CTIF: variants seen among roughly 807,000 people sequenced by gnomAD.
CTIF encodes the protein cap binding complex dependent translation initiation factor.
A neutral mutation model predicts 66.0 loss-of-function variants in CTIF; 21 were observed. The ratio of observed to expected loss-of-function variants is 0.32; its 90% CI spans 0.23 to 0.46. CTIF has a LOEUF of 0.46. Ranked by LOEUF, CTIF falls within the 20% of genes least tolerant of loss-of-function variation. The pLI is 1.00. For missense variants in CTIF, 739 were observed against 812.7 expected, an observed-to-expected ratio of 0.91 and a Z score of 1.10; for synonymous variants, 345 against 326.4, an observed-to-expected ratio of 1.06 and a Z score of -0.62.
intron 7 of CTIF, among the ~76,000 whole-genome samples, chr18:48,723,152 T>C (rs1374395693): frequency 6.6e-6 from 1 of 152,124 alleles, no homozygotes; most frequent in Non-Finnish European, 1.5e-5. Context: ...GACCCCCTCC[T>C]TCCCCATCTG....
intron 10 of CTIF, among the ~76,000 whole-genome samples, chr18:48,854,717 T>G (rs2069286026): frequency 1.3e-5 from 2 of 151,852 alleles, no homozygotes; most frequent in Admixed American, 6.6e-5. Context: ...GGCCAGGAGT[T>G]CAAGATCAGC....
rs1216724623 is a variant in CTIF at position 48,761,356 on chromosome 18, C to T, written c.1072-34C>T. ...CCCCTGCACAGAGACCTCGGCTTCA[C>T]TCAGGCACATTCATTTGTCTCCGAC... On this transcript the variant is annotated intron_variant, in intron 8 of 11. Transcript: ENST00000256413. This position sits in a 1 kb window ranked among gnomAD's most constrained non-coding sequence, Gnocchi z 4.2. 1 of 1,601,078 alleles carries T rather than the reference C, an allele frequency of 6.2e-7. No individual in the cohort carries two copies. Among genetic ancestry groups the T allele is most frequent in the Admixed American group, 1.7e-5 (1 of 59,740 alleles).
intron 6 of CTIF, among the ~76,000 whole-genome samples, chr18:48,689,473 CTT>C (rs1459495665): frequency 1.3e-5 from 2 of 152,138 alleles, no homozygotes; most frequent in African/African-American, 4.8e-5. Flanking sequence ...GAAGGCCAAA[CTT>C]TGAGTTGAGA....
At chr18:48,590,331 G>A (rs2089862085) in intron 1 of CTIF, among the ~76,000 whole-genome samples, 1 of 151,858 alleles carries the variant, frequency 6.6e-6, no homozygotes, top group African/African-American at 2.4e-5. Flanking sequence ...TGGTGCCCAA[G>A]GGGCATGGAC....
intron 3 of CTIF, among the ~76,000 whole-genome samples, chr18:48,646,815 G>A (rs1171412781): frequency 2.8e-5 from 4 of 144,130 alleles, no homozygotes; most frequent in Non-Finnish European, 6.0e-5. Flanking sequence ...CAATGCTGGT[G>A]AGAATGCAGA....
At chr18:48,573,787 G>A (rs563865462) in intron 1 of CTIF, among the ~76,000 whole-genome samples, 65 of 152,312 alleles carry the variant, frequency 4.3e-4, no homozygotes, top group Non-Finnish European at 5.0e-4. Context: ...CTGGCCATTC[G>A]CAGTGTGCCA....
chr18:48,541,612 G>A (rs2088622598), intron 1 of CTIF, among the ~76,000 whole-genome samples: 1 of 152,170 alleles, frequency 6.6e-6, no homozygotes, highest in Non-Finnish European at 1.5e-5. Flanking sequence ...AGGATGGCCA[G>A]GACACGCTCA....
At chr18:48,816,280 C>T (rs1185556673) in intron 9 of CTIF, among the ~76,000 whole-genome samples, 2 of 152,168 alleles carry the variant, frequency 1.3e-5, no homozygotes, top group African/African-American at 4.8e-5. Flanking sequence ...ATTCTATTGG[C>T]CAAAGCAAGA....
intron 1 of CTIF, among the ~76,000 whole-genome samples, chr18:48,548,562 C>T (rs749490928): frequency 3.3e-5 from 5 of 152,210 alleles, no homozygotes; most frequent in Non-Finnish European, 5.9e-5. Flanking sequence ...TAATAAAGAG[C>T]ATGCGTTGCC....
intron 3 of CTIF, among the ~76,000 whole-genome samples, chr18:48,660,779 G>C (rs895004930): frequency 2.0e-5 from 3 of 152,216 alleles, no homozygotes; most frequent in African/African-American, 7.2e-5. Context: ...CTGCAGGCCA[G>C]GAGGGAGATT....
At chr18:48,665,227 T>C (rs761553776) in intron 5 of CTIF, among the ~76,000 whole-genome samples, 1 of 152,184 alleles carries the variant, frequency 6.6e-6, no homozygotes, top group Non-Finnish European at 1.5e-5. Context: ...GGCTGTGTGT[T>C]TCTAACAAGT....
intron 9 of CTIF, among the ~76,000 whole-genome samples, chr18:48,774,634 G>T (rs1910495530): frequency 6.6e-6 from 1 of 152,098 alleles, no homozygotes; most frequent in South Asian, 2.1e-4. Flanking sequence ...GCACCCCCTT[G>T]ACAGTGCCGA....
intron 6 of CTIF, among the ~76,000 whole-genome samples, chr18:48,693,938 A>G (rs1484281332): frequency 6.6e-6 from 1 of 152,264 alleles, no homozygotes; most frequent in Non-Finnish European, 1.5e-5. Flanking sequence ...TTGACCCTGC[A>G]TAGACTCCCT....
intron 8 of CTIF, among the ~76,000 whole-genome samples, chr18:48,759,743 A>G (rs548570826): frequency 6.6e-6 from 1 of 152,366 alleles, no homozygotes; most frequent in Admixed American, 6.5e-5. Context: ...CCTATTCTAT[A>G]TGCAGACCAC....
Position 48,552,581 on chromosome 18 carries a change from C to T in CTIF, c.-29+13269C>T, listed in dbSNP as rs8090550. On this transcript the variant is annotated intron_variant, in intron 1 of 11. Transcript: ENST00000256413. ...TGGGTGAGGACGTTCTCTGGGGTGT[C>T]CTTTATGAGGGCACTAACCTCATTC... is the stretch of plus-strand genomic sequence containing the variant. Among the ~76,000 whole-genome samples, 567 of 152,204 alleles carry T rather than the reference C, an allele frequency of 3.7e-3. 3 individuals carry two copies. The highest frequency in any genetic ancestry group is 0.013 in the African/African-American group (545 of 41,522).
chr18:48,673,967 A>G (rs2091582090), intron 6 of CTIF, among the ~76,000 whole-genome samples: 1 of 152,132 alleles, frequency 6.6e-6, no homozygotes, highest in Non-Finnish European at 1.5e-5. Context: ...AGCCCATTGG[A>G]CAGAACTAGT....
chr18:48,794,796 C>A (rs560701545), intron 9 of CTIF, among the ~76,000 whole-genome samples: 1 of 152,262 alleles, frequency 6.6e-6, no homozygotes, highest in African/African-American at 2.4e-5. Context: ...AGAAGGCAGC[C>A]TCGGATCTTC....
chr18:48,707,174 A>G (rs1290965227), intron 6 of CTIF, among the ~76,000 whole-genome samples: 6 of 152,246 alleles, frequency 3.9e-5, no homozygotes, highest in Non-Finnish European at 7.3e-5. Flanking sequence ...TTCAAAGCAC[A>G]TAGTAGAAGG....
intron 7 of CTIF, among the ~76,000 whole-genome samples, chr18:48,732,197 G>A (rs2092462824): frequency 6.6e-6 from 1 of 152,202 alleles, no homozygotes; most frequent in African/African-American, 2.4e-5. Flanking sequence ...CCCATTCCCT[G>A]GGGTACGTTT....
Sources: gnomAD v4.1 joint callset for allele counts (sites outside exome capture counted in the v4.1 genomes callset) on GRCh38, gnomAD v4.1.1 for gene constraint, Gnocchi (gnomAD v3.1) non-coding constraint, MANE v1.5 for transcripts, NCBI Gene and HGNC (gene_info 2026-07-23, HGNC 2026-07-21) for gene names.